CREBRF: variants seen among roughly 807,000 people sequenced by gnomAD.
CREBRF encodes the protein CREB3 regulatory factor.
A neutral mutation model predicts 66.1 loss-of-function variants in CREBRF; 5 were observed. The observed-to-expected ratio is 0.08, with a 90% CI of 0.04 to 0.16. The LOEUF is 0.16. Ranked by LOEUF, CREBRF falls within the 10% of genes least tolerant of loss-of-function variation. CREBRF has a pLI of 1.00. For missense variants in CREBRF, 531 were observed against 744.9 expected (o/e 0.71, Z 3.34); for synonymous variants, 229 against 264.4 (o/e 0.87, Z 1.30).
In CREBRF at chr5:173,135,073, G is replaced by A. The variant is rs1759556034; in HGVS notation, c.*1328G>A. On this transcript the variant is annotated 3_prime_UTR_variant, in exon 9 of 9. Transcript: ENST00000296953. ...AAATAGATTATTTTTATTGTATTAT[G>A]TATATATATATATGTAAAGAAAGAA... The A allele has an allele frequency of 1.3e-5, 2 of 150,812 alleles. No individual in the cohort carries two copies. The highest frequency in any genetic ancestry group is 6.6e-5 in the Admixed American group (1 of 15,072). The allele number at this position is 150,812 out of a possible 1,614,324, so 9.3% of individuals were successfully genotyped here.
intron 1 of CREBRF, among the ~76,000 whole-genome samples, chr5:173,062,925 T>C (rs1757320319): frequency 1.3e-5 from 2 of 151,840 alleles, no homozygotes; most frequent in Admixed American, 1.3e-4. Flanking sequence ...TTTTTTGTAT[T>C]TTTAGTAGAG....
At chr5:173,095,713 A>G (rs1045100396) in intron 4 of CREBRF, among the ~76,000 whole-genome samples, 1 of 151,742 alleles carries the variant, frequency 6.6e-6, no homozygotes, top group African/African-American at 2.4e-5. Flanking sequence ...TAAACATAGG[A>G]TATCTTTCTA....
intron 3 of CREBRF, among the ~76,000 whole-genome samples, chr5:173,089,331 G>A (rs141560258): frequency 2.0e-5 from 3 of 151,600 alleles, no homozygotes; most frequent in Non-Finnish European, 2.9e-5. Flanking sequence ...TTACCAAAAC[G>A]TAACTAACAG....
At chr5:173,106,206 G>C (rs1459802010) in intron 4 of CREBRF, among the ~76,000 whole-genome samples, 1 of 151,748 alleles carries the variant, frequency 6.6e-6, no homozygotes, top group Non-Finnish European at 1.5e-5. Flanking sequence ...GTGGCGGGTG[G>C]ATCATGAGGT....
At chr5:173,060,478 G>T (rs957481670) in intron 1 of CREBRF, 1 of 151,966 alleles carries the variant, frequency 6.6e-6, no homozygotes, top group Non-Finnish European at 1.5e-5. Flanking sequence ...TGATCCGCCC[G>T]CATTGGCCTC....
At chr5:173,129,106 CTTTTTTTTTTTTTTT>C (rs70984946) in intron 8 of CREBRF, among the ~76,000 whole-genome samples, 3 of 53,750 alleles carry the variant, frequency 5.6e-5, no homozygotes, top group African/African-American at 2.4e-4. Flanking sequence ...TTAGTTACAT[CTTTTTTTTTTTTTTT>C]TTTTTTTTTT....
At chr5:173,062,902 T>G (rs935482676) in intron 1 of CREBRF, among the ~76,000 whole-genome samples, 1 of 151,628 alleles carries the variant, frequency 6.6e-6, no homozygotes, top group African/African-American at 2.4e-5. Context: ...CGCCCGCCAC[T>G]ACGCCCGGCT....
chr5:173,070,605 C>G (rs963230978), intron 1 of CREBRF, among the ~76,000 whole-genome samples: 8 of 152,060 alleles, frequency 5.3e-5, no homozygotes, highest in Admixed American at 3.9e-4. Context: ...TTCCTCTGTC[C>G]TCTCTTCCCT....
chr5:173,115,400 TCTGA>T (rs1758965929), intron 7 of CREBRF, among the ~76,000 whole-genome samples: 1 of 150,572 alleles, frequency 6.6e-6, no homozygotes, highest in South Asian at 2.1e-4. Context: ...AGCCACTGTG[TCTGA>T]CTGTGTTTTC....
At chr5:173,124,975 G>A (rs1353095141) in intron 8 of CREBRF, among the ~76,000 whole-genome samples, 2 of 139,660 alleles carry the variant, frequency 1.4e-5, no homozygotes, top group African/African-American at 5.4e-5. Flanking sequence ...CAGTAGTGCA[G>A]TGGCACAATC....
chr5:173,106,651 T>C (rs1384250884), intron 4 of CREBRF, among the ~76,000 whole-genome samples: 1 of 152,198 alleles, frequency 6.6e-6, no homozygotes, highest in Non-Finnish European at 1.5e-5. Flanking sequence ...CCTCTTACAG[T>C]GTACACTTCT....
intron 1 of CREBRF, among the ~76,000 whole-genome samples, chr5:173,076,015 A>G (rs1236921567): frequency 1.3e-5 from 2 of 148,618 alleles, no homozygotes; most frequent in Non-Finnish European, 3.0e-5. Flanking sequence ...GAGCCCATGA[A>G]TTCGAGACCA....
rs758743746 is a variant in CREBRF, at chr5:173,090,294, CT to C, written c.136-15del. 1.3e-4 allele frequency: 207 copies of C among 1,553,468 alleles called. No individual in the cohort carries two copies. The highest frequency in any genetic ancestry group is 1.7e-4 in the Non-Finnish European group (197 of 1,143,564). ...CCTTCTGAAATATGATGTGCAATTT[CT>C]TTTTTAAAACCTTTCTCAGGATAGA... is the stretch of plus-strand genomic sequence containing the variant. On this transcript the variant is annotated intron_variant, in intron 3 of 8. Transcript: ENST00000296953. The surrounding 1 kb of genome is among the most constrained non-coding windows in gnomAD (Gnocchi z 4.5).
At chr5:173,117,379 CAA>C (rs200049277) in intron 7 of CREBRF, among the ~76,000 whole-genome samples, 11 of 138,696 alleles carry the variant, frequency 7.9e-5, no homozygotes, top group East Asian at 6.6e-4. Context: ...AACTCTGTCT[CAA>C]AAAAAAAAAA....
intron 7 of CREBRF, among the ~76,000 whole-genome samples, chr5:173,120,007 T>C (rs1759100861): frequency 6.6e-6 from 1 of 152,230 alleles, no homozygotes; most frequent in Admixed American, 6.5e-5. Flanking sequence ...TGGAATCTAT[T>C]GCTAATATTT....
chr5:173,100,307 C>T (rs1304785091), intron 4 of CREBRF, among the ~76,000 whole-genome samples: 1 of 150,992 alleles, frequency 6.6e-6, no homozygotes, highest in Non-Finnish European at 1.5e-5. Context: ...ATTTTTAATG[C>T]CTTTTTAACT....
intron 1 of CREBRF, among the ~76,000 whole-genome samples, chr5:173,075,237 G>C (rs1486387524): frequency 6.6e-6 from 1 of 152,158 alleles, no homozygotes; most frequent in African/African-American, 2.4e-5. Context: ...TTACTTGCCT[G>C]TTTCTAAATT....
chr5:173,126,550 G>A (rs1349285577), intron 8 of CREBRF, among the ~76,000 whole-genome samples: 1 of 152,166 alleles, frequency 6.6e-6, no homozygotes, highest in East Asian at 1.9e-4. Flanking sequence ...CTGACTGTGG[G>A]CTCCTTGTAC....
chr5:173,076,417 T>A (rs1178555072), intron 1 of CREBRF, among the ~76,000 whole-genome samples: 1 of 152,118 alleles, frequency 6.6e-6, no homozygotes, highest in East Asian at 1.9e-4. Context: ...TCTTTCAACT[T>A]TACTGAGGAT....
Sources: allele counts gnomAD v4.1 joint callset (sites outside exome capture counted in the v4.1 genomes callset), GRCh38; gene constraint gnomAD v4.1.1; non-coding constraint Gnocchi (gnomAD v3.1); transcripts MANE v1.5; gene names NCBI Gene and HGNC (gene_info 2026-07-23, HGNC 2026-07-21).